WWP1: variants seen among roughly 807,000 people sequenced by gnomAD.
WWP1 encodes WW domain containing E3 ubiquitin protein ligase 1.
WWP1 carries 49 observed loss-of-function variants against 130.6 expected under a neutral mutation model. That is an observed-to-expected ratio of 0.38 (90% confidence interval 0.30 to 0.48). The LOEUF is 0.48. Among genes scored for constraint, WWP1 ranks in the 20% least tolerant of loss-of-function variants. The probability of loss-of-function intolerance (pLI) is 0.99; values close to 1 mark genes in which losing one functional copy is unlikely to be tolerated. For synonymous variants in WWP1, 332 were observed against 367.8 expected (o/e 0.90, Z 1.11); for missense variants, 809 against 1,100.6 (o/e 0.74, Z 3.75).
intron 21 of WWP1, among the ~76,000 whole-genome samples, chr8:86,453,553 C>G (rs2130761064): frequency 1.3e-5 from 2 of 152,154 alleles, no homozygotes; most frequent in South Asian, 4.2e-4. Context: ...GGATATGTAC[C>G]AGGAGTGGTA....
At chr8:86,436,830 T>C (rs1271311864) in intron 16 of WWP1, among the ~76,000 whole-genome samples, 3 of 152,180 alleles carry the variant, frequency 2.0e-5, no homozygotes, top group Non-Finnish European at 2.9e-5. Context: ...CAGGGACTTT[T>C]ATTTATACTT....
rs758344151 is a variant in WWP1, at chr8:86,411,759, T to C, written c.946T>C (p.Ser316Pro). 3.1e-6 allele frequency: 5 copies of C among 1,614,172 alleles called. No individual in the cohort carries two copies. In the South Asian group the frequency reaches 5.5e-5, roughly 18 times the overall value. The change falls in exon 9 of 25, where the codon TCT becomes CCT. Residue 316 changes from serine (S) to proline (P), a missense_variant. Physicochemically the swap from Ser to Pro is moderately conservative, Grantham distance 74. Around this residue, in one of 3 missense-constraint regions of WWP1, gnomAD observed 97 missense variants for 80.4 expected, o/e 1.21. Transcript: ENST00000517970. ...TAGAAGTATATTAGAGCCTGACACCTCTAATTCTAGAAGTAGTTCTGCTTT... is the reference window on the plus strand; with the variant it reads ...TAGAAGTATATTAGAGCCTGACACCCCTAATTCTAGAAGTAGTTCTGCTTT... The part of the protein sequence containing the change: ...EARSILEPDT[S>P]NSRSSSAFEA...
rs571310638 is a variant in WWP1 at position 86,349,455 on chromosome 8, T to G, written c.-115+6525T>G. The stretch of plus-strand genomic sequence containing the variant: ...GTGTGAATCCATTTGGGGCCACCCA[T>G]GTAACAGATTACCATAAATTTTATT... On this transcript the variant is annotated intron_variant, in intron 1 of 24. Transcript: ENST00000517970. 5.3e-5 allele frequency among the ~76,000 whole-genome samples: 8 copies of G among 152,234 alleles called. No homozygotes were observed. In the South Asian group the frequency reaches 1.0e-3, roughly 20 times the overall value.
Position 86,427,814 on chromosome 8 carries a change from T to C in WWP1, c.1329T>C (p.Tyr443=). 6.2e-7 allele frequency: 1 copy of C among 1,604,040 alleles called. No homozygotes were observed. The highest frequency in any genetic ancestry group is 1.3e-5 in the African/African-American group (1 of 74,664). The change falls in exon 11 of 25, where the codon TAT becomes TAC. Residue 443 remains tyrosine, a synonymous_variant. Transcript: ENST00000517970. ...AACAGTTTAACCAACGATACCTCTA[T>C]TCGGTAATTAGCAAATTGTAAGATG... ...AMQQFNQRYL[Y]SASMLAAEND... is the part of the protein sequence containing the mutation.
At position 86,467,761 on chromosome 8, in the gene WWP1, G is replaced by C. The variant is rs1476840471; in HGVS notation, c.*868G>C. The C allele has an allele frequency of 6.6e-6, 1 of 152,062 alleles. No homozygotes were observed. The highest frequency in any genetic ancestry group is 1.9e-4 in the East Asian group (1 of 5,190). 9.4% of individuals were successfully genotyped at this position (152,062 alleles called of 1,614,324 possible). ...ATTTCATACTTAGGAACATACAAAA[G>C]GTAATGTAAACTCTGCCACTTTTTT... On this transcript the variant is annotated 3_prime_UTR_variant, in exon 25 of 25. Coordinates refer to ENST00000517970, the MANE Select transcript of WWP1 (RefSeq NM_007013.4).
chr8:86,360,191 A>G (rs1337548845), intron 1 of WWP1, among the ~76,000 whole-genome samples: 1 of 151,918 alleles, frequency 6.6e-6, no homozygotes, highest in Non-Finnish European at 1.5e-5. Flanking sequence ...AACATCTTTT[A>G]CGCTTATGTT....
intron 22 of WWP1, among the ~76,000 whole-genome samples, chr8:86,460,970 C>T (rs7842042): frequency 0.27 from 40,872 of 151,390 alleles, 6,377 homozygotes; most frequent in East Asian, 0.54. Context: ...ACACCACGCC[C>T]GGCTAATTTT....
In WWP1 at chr8:86,374,766, G is replaced by T. The variant is rs541929402; in HGVS notation, c.70+646G>T. Among the ~76,000 whole-genome samples, 204 of 151,604 alleles carry T rather than the reference G, an allele frequency of 1.3e-3. 1 individual carries two copies. The highest frequency in any genetic ancestry group is 2.4e-3 in the Non-Finnish European group (165 of 67,922). On this transcript the variant is annotated intron_variant, in intron 3 of 24. Transcript: ENST00000517970. ...ACTTTCTCTCCCTGGCTGGAGTACG[G>T]TGGCGCAAACATACCTCCTTGTAGC...
At chr8:86,418,884 G>T (rs1312426899) in intron 9 of WWP1, among the ~76,000 whole-genome samples, 3 of 152,144 alleles carry the variant, frequency 2.0e-5, no homozygotes, top group Admixed American at 6.6e-5. Flanking sequence ...CCTCAACCAG[G>T]AGACTAACAG....
At chr8:86,386,627 C>CT (rs200287759) in intron 5 of WWP1, among the ~76,000 whole-genome samples, 6,246 of 152,068 alleles carry the variant, frequency 0.041, 185 homozygotes, top group African/African-American at 0.072. Flanking sequence ...GCCCAAAATT[C>CT]TTTTTGGAAT....
chr8:86,442,390 T>C lies in WWP1; in HGVS notation c.1839-229T>C, dbSNP rs1207858948. 3 of 315,422 alleles carry C rather than the reference T, an allele frequency of 9.5e-6. No individual in the cohort carries two copies. In the East Asian group the frequency reaches 1.5e-4, roughly 16 times the overall value. 19.5% of individuals were successfully genotyped at this position (315,422 alleles called of 1,614,324 possible). ...GTGTGGCATACAAATAAGCATGTTA[T>C]ATCTATATGAGGATCAGTGAATTTG... On this transcript the variant is annotated intron_variant, in intron 17 of 24. Coordinates refer to ENST00000517970, the MANE Select transcript of WWP1 (RefSeq NM_007013.4).
rs533233582 is a variant in WWP1, at chr8:86,448,088, G to A, written c.1999-60G>A. 2.8e-6 allele frequency: 4 copies of A among 1,407,032 alleles called. No individual in the cohort carries two copies. The Admixed American group carries it at 8.3e-5, about 29-fold the overall frequency. The allele number at this position is 1,407,032 out of a possible 1,614,324, so 87.2% of individuals were successfully genotyped here. Reference sequence around the variant, plus strand: ...GTCTCATGATTTTTCTTTTATCATTGTTCTCTAAGAAATTGTTATTTTGCA... The same window carrying A: ...GTCTCATGATTTTTCTTTTATCATTATTCTCTAAGAAATTGTTATTTTGCA... On this transcript the variant is annotated intron_variant, in intron 18 of 24. Transcript: ENST00000517970.
chr8:86,383,417 C>T (rs1825097095), intron 5 of WWP1, among the ~76,000 whole-genome samples: 2 of 152,164 alleles, frequency 1.3e-5, no homozygotes, highest in African/African-American at 2.4e-5. Flanking sequence ...CAATACACTT[C>T]GAAATGAAGC....
chr8:86,395,183 C>T (rs1807588339), intron 5 of WWP1, among the ~76,000 whole-genome samples: 1 of 152,086 alleles, frequency 6.6e-6, no homozygotes, highest in African/African-American at 2.4e-5. Flanking sequence ...TTAGTTTAAG[C>T]TAACGTCAGA....
chr8:86,442,849 A>T (rs200024940), intron 18 of WWP1, 71 bp downstream of exon 18: 2 of 1,458,770 alleles, frequency 1.4e-6, no homozygotes, highest in East Asian at 4.7e-5. Flanking sequence ...TTTAAAAAAA[A>T]AAAAAAGGAT....
At chr8:86,421,185 T>G (rs1809180060) in intron 9 of WWP1, among the ~76,000 whole-genome samples, 1 of 152,206 alleles carries the variant, frequency 6.6e-6, no homozygotes, top group African/African-American at 2.4e-5. Context: ...AAGAAATATC[T>G]AAGTTTTTAC....
chr8:86,434,454 C>CT (rs1265666267), intron 14 of WWP1, among the ~76,000 whole-genome samples: 1 of 152,158 alleles, frequency 6.6e-6, no homozygotes, highest in African/African-American at 2.4e-5. Flanking sequence ...CTCCATATGG[C>CT]TTTTGCCCTC....
chr8:86,396,646 T>G (rs2130475360), intron 5 of WWP1, among the ~76,000 whole-genome samples: 1 of 151,596 alleles, frequency 6.6e-6, no homozygotes, highest in East Asian at 2.0e-4. Context: ...CCCACTCGAG[T>G]ACAATAGTGC....
At position 86,468,252 on chromosome 8, in the gene WWP1, C is replaced by G; in HGVS notation, c.*1359C>G. ...TAAATATTTCACTGCTAAGTACATA[C>G]AGAAAAACAGTAATTATTGTTTTGC... On this transcript the variant is annotated 3_prime_UTR_variant, in exon 25 of 25. Coordinates refer to ENST00000517970, the MANE Select transcript of WWP1 (RefSeq NM_007013.4). The G allele has an allele frequency of 2.7e-6, 1 of 373,268 alleles. No homozygotes were observed. Among genetic ancestry groups the G allele is most frequent in the East Asian group, 7.5e-5 (1 of 13,372 alleles). The allele number at this position is 373,268 out of a possible 1,614,324, so 23.1% of individuals were successfully genotyped here.
Sources: allele counts gnomAD v4.1 joint callset (sites outside exome capture counted in the v4.1 genomes callset), GRCh38; gene constraint gnomAD v4.1.1; regional missense constraint gnomAD v4.1.1; transcripts MANE v1.5; gene names NCBI Gene and HGNC (gene_info 2026-07-23, HGNC 2026-07-21).